Variants in CLSTN2 observed in about 807,000 individuals in gnomAD.
The protein encoded by CLSTN2 is calsyntenin 2.
A neutral mutation model predicts 101.2 loss-of-function variants in CLSTN2; 48 were observed. The observed-to-expected ratio is 0.47, with a 90% CI of 0.38 to 0.60. The LOEUF (loss-of-function observed/expected upper bound fraction) is 0.60, where lower values mean the gene tolerates loss of function less well. CLSTN2 is among the 20% of genes least tolerant of loss of function. The pLI is 0.00. For synonymous variants in CLSTN2, 481 were observed against 463.6 expected (o/e 1.04, Z -0.48); for missense variants, 1,160 against 1,238.2 (o/e 0.94, Z 0.95).
At chr3:140,497,162 G>T (rs1934484009) in intron 8 of CLSTN2, among the ~76,000 whole-genome samples, 1 of 151,728 alleles carries the variant, frequency 6.6e-6, no homozygotes, top group East Asian at 1.9e-4. Flanking sequence ...GTGCAGTGTT[G>T]GGGGTAAGCC....
chr3:140,225,118 G>A (rs754682684), intron 2 of CLSTN2, among the ~76,000 whole-genome samples: 2 of 152,172 alleles, frequency 1.3e-5, no homozygotes, highest in African/African-American at 2.4e-5. Context: ...CAGCCTCCCA[G>A]CTCGGAGCAT....
chr3:140,168,513 T>G (rs2010166573), intron 1 of CLSTN2, among the ~76,000 whole-genome samples: 1 of 152,280 alleles, frequency 6.6e-6, no homozygotes, highest in South Asian at 2.1e-4. Context: ...TTTTATAAAG[T>G]TTGATGTTAT....
chr3:140,377,835 T>C (rs1600401), intron 2 of CLSTN2, among the ~76,000 whole-genome samples: 145,671 of 152,248 alleles, frequency 0.96, 70,004 homozygotes, highest in East Asian at 1. Flanking sequence ...AAGTCCACAG[T>C]AGTGGGCAGC....
At chr3:139,986,220 G>T (rs558943771) in intron 1 of CLSTN2, among the ~76,000 whole-genome samples, 43 of 152,168 alleles carry the variant, frequency 2.8e-4, no homozygotes, top group Non-Finnish European at 5.9e-4. Context: ...GTTTCAGAGT[G>T]TATTGGATAT....
chr3:140,395,090 C>A (rs1185830102), intron 2 of CLSTN2, among the ~76,000 whole-genome samples: 3 of 152,156 alleles, frequency 2.0e-5, no homozygotes, highest in African/African-American at 7.2e-5. Flanking sequence ...CCTTTATTTG[C>A]TTTTCAGAAA....
chr3:140,500,007 C>T (rs1934544779), intron 8 of CLSTN2, among the ~76,000 whole-genome samples: 1 of 151,562 alleles, frequency 6.6e-6, no homozygotes, highest in Non-Finnish European at 1.5e-5. Context: ...GTGGAGATTG[C>T]AGTGAGCCGA....
chr3:140,446,838 C>T (rs1468811228), intron 5 of CLSTN2, among the ~76,000 whole-genome samples: 1 of 152,206 alleles, frequency 6.6e-6, no homozygotes, highest in African/African-American at 2.4e-5. Context: ...CTATCACTGG[C>T]TTTTCCTTTC....
At chr3:140,084,934 T>C (rs1467628756) in intron 1 of CLSTN2, among the ~76,000 whole-genome samples, 1 of 152,248 alleles carries the variant, frequency 6.6e-6, no homozygotes, top group African/African-American at 2.4e-5. Context: ...TGCATACACA[T>C]AAGCATGTGT....
At position 140,334,863 on chromosome 3, in the gene CLSTN2, A is replaced by G. The variant is rs371737555; in HGVS notation, c.233-68766A>G. On this transcript the variant is annotated intron_variant, in intron 2 of 16. Coordinates refer to ENST00000458420, the MANE Select transcript of CLSTN2 (RefSeq NM_022131.3). ...CTTGAAGCCAGTCCAGCAATCTGGG[A>G]AGCTGACCCTGGAAATCAACCTTAT... Among the ~76,000 whole-genome samples the G allele has an allele frequency of 1.4e-4, 21 of 152,302 alleles. No individual in the cohort carries two copies. The East Asian group carries it at 3.1e-3, about 22-fold the overall frequency.
At chr3:139,967,826 T>G (rs1935627617) in intron 1 of CLSTN2, among the ~76,000 whole-genome samples, 1 of 152,224 alleles carries the variant, frequency 6.6e-6, no homozygotes, top group South Asian at 2.1e-4. Flanking sequence ...TTTACACATC[T>G]ACACTAATAT....
At chr3:139,986,721 C>T (rs936640983) in intron 1 of CLSTN2, among the ~76,000 whole-genome samples, 3 of 152,130 alleles carry the variant, frequency 2.0e-5, no homozygotes, top group African/African-American at 7.2e-5. Flanking sequence ...TCAGCAATGC[C>T]ATTAGCTGGT....
chr3:140,318,533 C>T (rs2087251623), intron 2 of CLSTN2, among the ~76,000 whole-genome samples: 1 of 152,110 alleles, frequency 6.6e-6, no homozygotes, highest in South Asian at 2.1e-4. Context: ...ATCAAGGGCC[C>T]CCTCAGGTCT....
intron 1 of CLSTN2, among the ~76,000 whole-genome samples, chr3:140,115,318 TTC>T (rs10592714): frequency 0.028 from 4,216 of 152,308 alleles, 188 homozygotes; most frequent in African/African-American, 0.094. Flanking sequence ...ACATAGATTT[TTC>T]TCTCTGTGTG....
At chr3:139,938,653 A>G (rs1007126990) in intron 1 of CLSTN2, among the ~76,000 whole-genome samples, 6 of 152,248 alleles carry the variant, frequency 3.9e-5, no homozygotes, top group Non-Finnish European at 7.3e-5. Flanking sequence ...CTGGAGGCAG[A>G]GAAAGACATG....
At chr3:140,179,513 G>C (rs543342609) in intron 2 of CLSTN2, among the ~76,000 whole-genome samples, 19 of 144,112 alleles carry the variant, frequency 1.3e-4, no homozygotes, top group African/African-American at 3.3e-4. Flanking sequence ...CATACCTATA[G>C]TTCCAGCTAC....
At chr3:140,565,909 T>C (rs1005516662) in intron 16 of CLSTN2, 144 bp from the exon 17 acceptor site, 3 of 1,015,296 alleles carry the variant, frequency 3.0e-6, no homozygotes, top group Admixed American at 2.6e-5. Context: ...CCAGGAAGTC[T>C]GTCTCCAGGC....
chr3:139,961,641 G>A (rs1224210635), intron 1 of CLSTN2, among the ~76,000 whole-genome samples: 1 of 152,186 alleles, frequency 6.6e-6, no homozygotes, highest in East Asian at 1.9e-4. Flanking sequence ...AAGGATTGAA[G>A]AAATGCAATC....
chr3:140,378,687 T>C (rs576681825), intron 2 of CLSTN2, among the ~76,000 whole-genome samples: 1 of 152,324 alleles, frequency 6.6e-6, no homozygotes, highest in South Asian at 2.1e-4. Flanking sequence ...TGGATCCTTG[T>C]ACTCAGAAAG....
At chr3:140,331,343 G>A (rs541297460) in intron 2 of CLSTN2, among the ~76,000 whole-genome samples, 2 of 152,268 alleles carry the variant, frequency 1.3e-5, no homozygotes, top group East Asian at 3.9e-4. Context: ...TGATGGTGGG[G>A]CTTCCTTGCA....
Sources: gnomAD v4.1 joint callset for allele counts (sites outside exome capture counted in the v4.1 genomes callset) on GRCh38, gnomAD v4.1.1 for gene constraint, MANE v1.5 for transcripts, NCBI Gene and HGNC (gene_info 2026-07-23, HGNC 2026-07-21) for gene names.